ARID1B: variants seen among roughly 807,000 people sequenced by gnomAD.
The protein encoded by ARID1B is AT-rich interaction domain 1B.
A neutral mutation model predicts 212.3 loss-of-function variants in ARID1B; 30 were observed. The ratio of observed to expected loss-of-function variants is 0.14; its 90% confidence interval spans 0.11 to 0.19. The LOEUF is 0.19. ARID1B is among the 10% of genes least tolerant of loss of function. ARID1B has a pLI of 1.00. For synonymous variants in ARID1B, 1,402 were observed against 1,301.7 expected (o/e 1.08, Z -1.66); for missense variants, 2,891 against 3,204.0 (o/e 0.90, Z 2.36).
intron 5 of ARID1B, among the ~76,000 whole-genome samples, chr6:157,092,310 T>C (rs1785329312): frequency 6.6e-6 from 1 of 152,250 alleles, no homozygotes; most frequent in Non-Finnish European, 1.5e-5. Context: ...TAGCGTGATG[T>C]AGAACCTCCC....
intron 11 of ARID1B, 144 bp from the exon 12 acceptor site, chr6:157,180,825 C>A: frequency 1.5e-6 from 1 of 658,030 alleles, no homozygotes; most frequent in Non-Finnish European, 2.6e-6. Flanking sequence ...AACTAGTAGC[C>A]TTCATTCCTA....
At chr6:157,064,157 C>T (rs1356552092) in intron 4 of ARID1B, among the ~76,000 whole-genome samples, 3 of 152,228 alleles carry the variant, frequency 2.0e-5, no homozygotes, top group Non-Finnish European at 4.4e-5. Flanking sequence ...TCATCTTTGT[C>T]TTGCAGCACC....
At chr6:156,810,624 C>G (rs1229053195) in intron 1 of ARID1B, among the ~76,000 whole-genome samples, 1 of 152,160 alleles carries the variant, frequency 6.6e-6, no homozygotes, top group African/African-American at 2.4e-5. Flanking sequence ...TGATCATTTT[C>G]ATTTTGCCTG....
chr6:156,915,469 G>A (rs1790272321), intron 3 of ARID1B, among the ~76,000 whole-genome samples: 1 of 152,066 alleles, frequency 6.6e-6, no homozygotes, highest in African/African-American at 2.4e-5. Context: ...TCAGGAGGCT[G>A]AGGGAGGAGA....
At chr6:156,833,928 A>C (rs1783318457) in intron 2 of ARID1B, among the ~76,000 whole-genome samples, 1 of 152,202 alleles carries the variant, frequency 6.6e-6, no homozygotes, top group East Asian at 1.9e-4. Flanking sequence ...TTTTGGCAGC[A>C]GATGTTTCTA....
intron 3 of ARID1B, among the ~76,000 whole-genome samples, chr6:156,904,980 T>C (rs1377292541): frequency 6.6e-6 from 1 of 152,218 alleles, no homozygotes; most frequent in East Asian, 1.9e-4. Flanking sequence ...TCTAAGCATA[T>C]AGTTTTAGTT....
At chr6:156,987,713 G>A (rs1471314441) in intron 4 of ARID1B, among the ~76,000 whole-genome samples, 2 of 152,050 alleles carry the variant, frequency 1.3e-5, no homozygotes, top group Non-Finnish European at 2.9e-5. Flanking sequence ...CTTTTGTTTT[G>A]TTTTGCAAAC....
intron 7 of ARID1B, among the ~76,000 whole-genome samples, chr6:157,140,208 G>C (rs1004667898): frequency 6.6e-6 from 1 of 151,938 alleles, no homozygotes; most frequent in African/African-American, 2.4e-5. Context: ...AGTGGCTCAC[G>C]CCTGTAATCC....
At chr6:156,802,162 C>T (rs1780838171) in intron 1 of ARID1B, among the ~76,000 whole-genome samples, 2 of 152,232 alleles carry the variant, frequency 1.3e-5, no homozygotes, top group African/African-American at 2.4e-5. Flanking sequence ...AGAAAAATCA[C>T]AGCCCTTCTG....
At chr6:156,891,974 C>A (rs1355205583) in intron 2 of ARID1B, among the ~76,000 whole-genome samples, 2 of 150,378 alleles carry the variant, frequency 1.3e-5, no homozygotes, top group Non-Finnish European at 3.0e-5. Context: ...CCGGTTCAAG[C>A]GATTCTCCTG....
chr6:157,153,810 T>C (rs1256351070), intron 8 of ARID1B, among the ~76,000 whole-genome samples: 2 of 152,172 alleles, frequency 1.3e-5, no homozygotes, highest in African/African-American at 4.8e-5. Flanking sequence ...TGATTTTATC[T>C]TTACTTTTTT....
chr6:157,094,419 A>G lies in ARID1B; in HGVS notation c.2491+9514A>G, dbSNP rs565749061. On this transcript the variant is annotated intron_variant, in intron 5 of 19. Transcript: ENST00000636930. This position sits in a 1 kb window ranked among gnomAD's most constrained non-coding sequence, Gnocchi z 4.3. ...TTCCAGGCTAGAGTACAGTGGCACG[A>G]TCTCCACTCACTACAACCTCTACCT... 3.9e-5 allele frequency among the ~76,000 whole-genome samples: 6 copies of G among 152,206 alleles called. No homozygotes were observed. Among genetic ancestry groups the G allele is most frequent in the Admixed American group, 1.3e-4 (2 of 15,286 alleles).
At chr6:157,178,104 C>T (rs1006600269) in intron 11 of ARID1B, among the ~76,000 whole-genome samples, 2 of 152,174 alleles carry the variant, frequency 1.3e-5, no homozygotes, top group African/African-American at 4.8e-5. Flanking sequence ...GTGCTGGCAG[C>T]GGACGCAACC....
chr6:156,870,728 TAA>T (rs35395270), intron 2 of ARID1B, among the ~76,000 whole-genome samples: 2 of 144,212 alleles, frequency 1.4e-5, no homozygotes, highest in Non-Finnish European at 1.5e-5. Context: ...ATGGTAGTGT[TAA>T]AAAAAAAAAA....
intron 18 of ARID1B, among the ~76,000 whole-genome samples, chr6:157,202,356 G>A (rs889640889): frequency 1.3e-5 from 2 of 152,030 alleles, no homozygotes; most frequent in African/African-American, 4.8e-5. Flanking sequence ...AGAACAAATT[G>A]ACTTAAAATC....
intron 4 of ARID1B, among the ~76,000 whole-genome samples, chr6:157,008,659 G>C (rs1779383828): frequency 6.6e-6 from 1 of 152,124 alleles, no homozygotes; most frequent in Non-Finnish European, 1.5e-5. Context: ...TTTGAGTTGG[G>C]TGGGAGGTGG....
chr6:157,093,957 G>A (rs909160257), intron 5 of ARID1B, among the ~76,000 whole-genome samples: 2 of 152,192 alleles, frequency 1.3e-5, no homozygotes, highest in African/African-American at 2.4e-5. Flanking sequence ...AAAGGGTCCT[G>A]TCCTCGTGAA....
chr6:156,993,205 C>G (rs922219823), intron 4 of ARID1B, among the ~76,000 whole-genome samples: 5 of 152,058 alleles, frequency 3.3e-5, no homozygotes, highest in African/African-American at 1.2e-4. Flanking sequence ...TCATGCCTGG[C>G]TAATTTTTGT....
rs1794110328 is a variant in ARID1B at position 157,201,389 on chromosome 6, C to A, written c.5164C>A (p.Pro1722Thr). The change falls in exon 18 of 20, where the codon CCA (proline) becomes ACA (threonine). Residue 1722 changes from proline to threonine, a missense_variant. By Grantham distance (38) the Pro-to-Thr change is conservative. This residue lies in a region of ARID1B where 666 missense variants were observed against 873.5 expected (regional missense o/e 0.76). Transcript: ENST00000636930. This position sits in a 1 kb window ranked among gnomAD's most constrained non-coding sequence, Gnocchi z 5.2. ...TSQVTGPPPQ[P>T]PPIRREITFP... ...CCAGGTCACCGGGCCACCACCCCAA[C>A]CACCCCCAATCAGAAGGGAGATCAC... 1.9e-6 allele frequency: 3 copies of A among 1,603,146 alleles called. No homozygotes were observed. Among genetic ancestry groups the A allele is most frequent in the African/African-American group, 1.3e-5 (1 of 74,898 alleles).
Sources: allele counts gnomAD v4.1 joint callset (sites outside exome capture counted in the v4.1 genomes callset), GRCh38; gene constraint gnomAD v4.1.1; regional missense constraint gnomAD v4.1.1; non-coding constraint Gnocchi (gnomAD v3.1); transcripts MANE v1.5; gene names NCBI Gene and HGNC (gene_info 2026-07-23, HGNC 2026-07-21).